Variants in PTK7 observed in about 807,000 individuals in gnomAD.
PTK7 encodes inactive tyrosine-protein kinase 7.
Under a neutral mutation model 116.6 loss-of-function variants are expected in PTK7, and 39 were observed. The observed-to-expected ratio is 0.33, with a 90% confidence interval of 0.26 to 0.44. PTK7 has a LOEUF of 0.44. PTK7 is among the 20% of genes least tolerant of loss of function. The probability of loss-of-function intolerance (pLI) is 1.00; values close to 1 mark genes in which losing one functional copy is unlikely to be tolerated. For missense variants in PTK7, 1,169 were observed against 1,425.6 expected, an observed-to-expected ratio of 0.82 and a Z score of 2.90; for synonymous variants, 546 against 563.6, an observed-to-expected ratio of 0.97 and a Z score of 0.44.
At chr6:43,121,059 T>A (rs1045186122) in intron 1 of PTK7, among the ~76,000 whole-genome samples, 26 of 113,390 alleles carry the variant, frequency 2.3e-4, no homozygotes, top group Non-Finnish European at 3.3e-4. Flanking sequence ...TGTTTCTGTT[T>A]TTTTTTTTTT....
chr6:43,158,313 AAAAG>A (rs755619255), intron 17 of PTK7, among the ~76,000 whole-genome samples: 49 of 151,874 alleles, frequency 3.2e-4, no homozygotes, highest in Admixed American at 1.2e-3. Flanking sequence ...GAAAAAAAAA[AAAAG>A]TAAGCTGGGC....
chr6:43,100,413 TAA>T (rs1007223227), intron 1 of PTK7, among the ~76,000 whole-genome samples: 6 of 148,824 alleles, frequency 4.0e-5, no homozygotes, highest in East Asian at 2.0e-4. Flanking sequence ...AGGGTTTTTT[TAA>T]AAAAAAATGA....
At chr6:43,131,309 G>T (rs1271319820) in intron 5 of PTK7, among the ~76,000 whole-genome samples, 1 of 151,272 alleles carries the variant, frequency 6.6e-6, no homozygotes, top group Non-Finnish European at 1.5e-5. Context: ...CTGGAGCTGG[G>T]TGCCCTATCA....
chr6:43,076,325 G>C lies in PTK7; in HGVS notation c.-164G>C. On this transcript the variant is annotated 5_prime_UTR_variant, in exon 1 of 20. Transcript: ENST00000230419. The surrounding 1 kb of genome is among the most constrained non-coding windows in gnomAD (Gnocchi z 5.7). The stretch of plus-strand genomic sequence containing the variant: ...GGGGACTCGGAGGTACTGGGCGCGC[G>C]CGGCTCCGGCTCGGGACGCCTCGGG... The C allele has an allele frequency of 3.9e-6, 1 of 258,602 alleles. No homozygotes were observed. Among genetic ancestry groups the C allele is most frequent in the Non-Finnish European group, 6.6e-6 (1 of 151,590 alleles). 16.0% of individuals were successfully genotyped at this position (258,602 alleles called of 1,614,324 possible). A position where few individuals can be genotyped will look rare whatever the true frequency, so the allele number is the denominator to read the frequency against.
chr6:43,080,495 C>G (rs752051997), intron 1 of PTK7, among the ~76,000 whole-genome samples: 23 of 152,114 alleles, frequency 1.5e-4, no homozygotes, highest in Non-Finnish European at 2.8e-4. Context: ...TGTTTTTGAT[C>G]CTCTGTTGAG....
rs112039783 is a variant in PTK7, at chr6:43,161,346, C to G, written c.*465C>G. 892 of 169,368 alleles carry G rather than the reference C, an allele frequency of 5.3e-3. 4 individuals are homozygous for G. Among genetic ancestry groups the G allele is most frequent in the African/African-American group, 0.018 (751 of 42,156 alleles). 10.5% of individuals were successfully genotyped at this position (169,368 alleles called of 1,614,324 possible). ...TGGCCCACTGGTCCCACTTGGGGGT[C>G]TAGACCAGGATTATAGAGGACACAG... On this transcript the variant is annotated 3_prime_UTR_variant, in exon 20 of 20. Transcript: ENST00000230419.
intron 7 of PTK7, among the ~76,000 whole-genome samples, chr6:43,134,664 C>T (rs1018763258): frequency 1.3e-5 from 2 of 151,886 alleles, no homozygotes; most frequent in African/African-American, 2.4e-5. Flanking sequence ...CCTGTAATCC[C>T]AGCTACTTGG....
intron 1 of PTK7, among the ~76,000 whole-genome samples, chr6:43,120,169 A>G (rs889583839): frequency 3.9e-5 from 6 of 152,190 alleles, no homozygotes; most frequent in Non-Finnish European, 7.3e-5. Flanking sequence ...GCCAAGATGG[A>G]TAAATGTAGA....
In PTK7 at chr6:43,143,201, C is replaced by T. The variant is rs1370256514; in HGVS notation, c.2048-216C>T. The stretch of plus-strand genomic sequence containing the variant: ...CCTGTCTTGGCTTCCGATGCAAAGC[C>T]AGCTTGGGAACCCCTGGCCTCATCT... On this transcript the variant is annotated intron_variant, in intron 13 of 19. Transcript: ENST00000230419. The surrounding 1 kb of genome is among the most constrained non-coding windows in gnomAD (Gnocchi z 4.2). The T allele has an allele frequency of 1.9e-6, 1 of 521,074 alleles. No individual in the cohort carries two copies. Among genetic ancestry groups the T allele is most frequent in the African/African-American group, 1.9e-5 (1 of 51,710 alleles). The allele number at this position is 521,074 out of a possible 1,614,324, so 32.3% of individuals were successfully genotyped here.
At chr6:43,102,611 C>CA (rs1024406483) in intron 1 of PTK7, among the ~76,000 whole-genome samples, 403 of 144,778 alleles carry the variant, frequency 2.8e-3, no homozygotes, top group African/African-American at 6.4e-3. Flanking sequence ...AAAAAAAAAC[C>CA]AAAAAAAAAC....
chr6:43,117,206 A>G (rs954086844), intron 1 of PTK7, among the ~76,000 whole-genome samples: 4 of 152,196 alleles, frequency 2.6e-5, no homozygotes, highest in African/African-American at 9.6e-5. Context: ...GAAAAGCCCA[A>G]TACATTAATC....
chr6:43,138,239 G>A (rs1481569634), intron 7 of PTK7, among the ~76,000 whole-genome samples: 1 of 151,556 alleles, frequency 6.6e-6, no homozygotes, highest in Admixed American at 6.6e-5. Flanking sequence ...AGAGTGCAGT[G>A]TCTTACAGCA....
chr6:43,135,857 C>G (rs977799055), intron 7 of PTK7, among the ~76,000 whole-genome samples: 2 of 152,066 alleles, frequency 1.3e-5, no homozygotes, highest in Non-Finnish European at 2.9e-5. Flanking sequence ...GAGTTTGAGA[C>G]CAGCCTGGCC....
chr6:43,143,084 G>A lies in PTK7; in HGVS notation c.2048-333G>A, dbSNP rs761093726. On this transcript the variant is annotated intron_variant, in intron 13 of 19. Coordinates refer to ENST00000230419, the MANE Select transcript of PTK7 (RefSeq NM_002821.5). The surrounding 1 kb of genome is among the most constrained non-coding windows in gnomAD (Gnocchi z 4.2). ...CTGAAGCTCCCAAATGCTGCTCTCC[G>A]GGGCCTGGCTCACATTATCAAGTCA... 2.4e-5 allele frequency: 6 copies of A among 248,566 alleles called. No individual in the cohort carries two copies. Among genetic ancestry groups the A allele is most frequent in the South Asian group, 6.6e-5 (1 of 15,082 alleles). The allele number at this position is 248,566 out of a possible 1,614,324, so 15.4% of individuals were successfully genotyped here. A position where few individuals can be genotyped will look rare whatever the true frequency, so the allele number is the denominator to read the frequency against.
intron 15 of PTK7, 187 bp downstream of exon 15, chr6:43,144,793 T>C (rs1770631408): frequency 6.7e-6 from 4 of 601,144 alleles, no homozygotes; most frequent in Admixed American, 3.3e-5. Context: ...GTGCAGATTT[T>C]GTCATTCCTG....
Position 43,141,432 on chromosome 6 carries a change from G to A in PTK7, c.1619-236G>A, listed in dbSNP as rs961751002. ...GCCGATCTGGGCCCAAACAGAGTCCGGTTTGGCAGACGTGGAATGTCACAC... is the reference window on the plus strand; with the variant it reads ...GCCGATCTGGGCCCAAACAGAGTCCAGTTTGGCAGACGTGGAATGTCACAC... On this transcript the variant is annotated intron_variant, in intron 10 of 19. Coordinates refer to ENST00000230419, the MANE Select transcript of PTK7 (RefSeq NM_002821.5). This position sits in a 1 kb window ranked among gnomAD's most constrained non-coding sequence, Gnocchi z 4.9. 1.3e-5 allele frequency among the ~76,000 whole-genome samples: 2 copies of A among 152,090 alleles called. No homozygotes were observed. The highest frequency in any genetic ancestry group is 2.4e-5 in the African/African-American group (1 of 41,412).
Position 43,144,592 on chromosome 6 carries a change from C to G in PTK7, c.2393C>G (p.Pro798Arg). 1 of 1,611,824 alleles carries G rather than the reference C, an allele frequency of 6.2e-7. No individual in the cohort carries two copies. Among genetic ancestry groups the G allele is most frequent in the Non-Finnish European group, 8.5e-7 (1 of 1,178,486 alleles). ...KMHFPRSSLQPITTLGKSEFG... is the reference protein window; with the variant it reads ...KMHFPRSSLQRITTLGKSEFG... ...CACTTCCCACGGTCTAGCCTGCAGC[C>G]CATCACCACGCTGGGTATGTTGCCT... The change falls in exon 15 of 20, where the codon CCC becomes CGC. Residue 798 changes from proline to arginine, a missense_variant. By Grantham distance (103) the Pro-to-Arg change is moderately radical. Transcript: ENST00000230419.
rs772658112 is a variant in PTK7 at position 43,130,381 on chromosome 6, C to A, written c.622C>A (p.Gln208Lys). Residue 208 changes from glutamine to lysine, a missense_variant, in exon 4 of 20, where the codon CAG (glutamine) becomes AAG (lysine). Transcript: ENST00000230419. Reference protein sequence around the residue: ...YSCCAHSAFGQACSSQNFTLS... With the variant: ...YSCCAHSAFGKACSSQNFTLS... ...CTGCTGCGCCCACAGTGCTTTTGGCCAGGCTTGCAGCAGCCAGAACTTCAC... is the reference window on the plus strand; with the variant it reads ...CTGCTGCGCCCACAGTGCTTTTGGCAAGGCTTGCAGCAGCCAGAACTTCAC... 9 of 1,609,606 alleles carry A rather than the reference C, an allele frequency of 5.6e-6. No homozygotes were observed. Among genetic ancestry groups the A allele is most frequent in the Non-Finnish European group, 6.8e-6 (8 of 1,177,000 alleles).
chr6:43,133,156 T>G, intron 7 of PTK7: 1 of 267,256 alleles, frequency 3.7e-6, no homozygotes, highest in East Asian at 6.8e-5. Flanking sequence ...GTGGACAAAA[T>G]TATAGGTGAT....
Sources: gnomAD v4.1 joint callset for allele counts (sites outside exome capture counted in the v4.1 genomes callset) on GRCh38, gnomAD v4.1.1 for gene constraint, Gnocchi (gnomAD v3.1) non-coding constraint, MANE v1.5 for transcripts, NCBI Gene and HGNC (gene_info 2026-07-23, HGNC 2026-07-21) for gene names.